Variants in ZNF37A observed in about 807,000 individuals in gnomAD.
ZNF37A encodes the protein zinc finger protein 37A.
Under a neutral mutation model 12.3 loss-of-function variants are expected in ZNF37A, and 10 were observed. That is an observed-to-expected ratio of 0.82 (90% CI 0.50 to 1.38). The LOEUF (loss-of-function observed/expected upper bound fraction) is 1.38, where lower values mean the gene tolerates loss of function less well. Ranked by LOEUF, ZNF37A falls within the 40% of genes most tolerant of loss-of-function variation. ZNF37A has a pLI of 0.00. For synonymous variants in ZNF37A, 207 were observed against 223.0 expected (o/e 0.93, Z 0.64); for missense variants, 580 against 651.2 (o/e 0.89, Z 1.19).
intron 5 of ZNF37A, among the ~76,000 whole-genome samples, chr10:38,113,720 A>C (rs2069017034): frequency 6.6e-6 from 1 of 151,940 alleles, no homozygotes; most frequent in Non-Finnish European, 1.5e-5. Context: ...TAGACAATCT[A>C]CCTCTAATGC....
Position 38,118,619 on chromosome 10 carries a change from A to G in ZNF37A, c.1468A>G (p.Ile490Val), listed in dbSNP as rs750017136. 6 of 1,605,656 alleles carry G rather than the reference A, an allele frequency of 3.7e-6. No individual in the cohort carries two copies. In the African/African-American group the frequency reaches 5.4e-5, roughly 14 times the overall value. Residue 490 changes from isoleucine to valine, a missense_variant, in exon 8 of 8, where the codon ATA becomes GTA. Ile to Val is a conservative substitution (Grantham distance 29). Coordinates refer to ENST00000685332, the MANE Select transcript of ZNF37A (RefSeq NM_001324250.3). Reference protein sequence around the residue: ...SALIVHQRTHIRQKPYGCNQC... With the variant: ...SALIVHQRTHVRQKPYGCNQC... ...CCTAATTGTTCACCAGAGAACTCATATAAGACAGAAACCCTATGGATGTAA... is the reference window on the plus strand; with the variant it reads ...CCTAATTGTTCACCAGAGAACTCATGTAAGACAGAAACCCTATGGATGTAA...
chr10:38,134,615 A>G (rs1388442852), intron 7 of ZNF37A, among the ~76,000 whole-genome samples: 1 of 152,312 alleles, frequency 6.6e-6, no homozygotes, highest in Middle Eastern at 3.4e-3. Flanking sequence ...AGCAAATATT[A>G]CAGAATGGCA....
At chr10:38,112,783 T>C (rs201052477) in intron 5 of ZNF37A, among the ~76,000 whole-genome samples, 2,841 of 57,824 alleles carry the variant, frequency 0.049, 356 homozygotes, top group African/African-American at 0.065. Flanking sequence ...TTCTTTTCTT[T>C]TCTTTTCTTT....
intron 5 of ZNF37A, among the ~76,000 whole-genome samples, chr10:38,105,961 G>C (rs1239774791): frequency 7.2e-6 from 1 of 139,082 alleles, no homozygotes; most frequent in Non-Finnish European, 1.6e-5. Context: ...CTTTCAATTT[G>C]AATGTCTTTT....
chr10:38,123,499 A>T lies in ZNF37A; in HGVS notation c.*4662A>T, dbSNP rs1343812593. 6.6e-6 allele frequency: 1 copy of T among 152,088 alleles called. No homozygotes were observed. The highest frequency in any genetic ancestry group is 1.5e-5 in the Non-Finnish European group (1 of 68,018). 9.4% of individuals were successfully genotyped at this position (152,088 alleles called of 1,614,324 possible). On this transcript the variant is annotated 3_prime_UTR_variant, in exon 8 of 8. Coordinates refer to ENST00000685332, the MANE Select transcript of ZNF37A (RefSeq NM_001324250.3). ...AATTAATGAGGGATCCTCTCCCTTG[A>T]TCAAAACACCTTCCACCAAGACCCA...
At chr10:38,125,055 T>C (rs1238577322), downstream of ZNF37A, 1 of 152,162 alleles carries the variant, frequency 6.6e-6, no homozygotes, top group Non-Finnish European at 1.5e-5. Context: ...AGCTCAAACT[T>C]AAAACTTGTA....
chr10:38,142,532 C>T (rs1369066875), intron 7 of ZNF37A: 1 of 152,180 alleles, frequency 6.6e-6, no homozygotes, highest in Non-Finnish European at 1.5e-5. Context: ...CAAGCTTGCT[C>T]AGGTACAACT....
intron 5 of ZNF37A, among the ~76,000 whole-genome samples, chr10:38,100,375 G>A (rs991032507): frequency 2.0e-5 from 3 of 152,096 alleles, no homozygotes; most frequent in Admixed American, 6.5e-5. Flanking sequence ...TTCCTAATAA[G>A]CCTGGGAGAA....
chr10:38,147,091 TG>T, exon 8 of ZNF37A: 1 of 214,020 alleles, frequency 4.7e-6, no homozygotes, highest in African/African-American at 2.3e-5. Flanking sequence ...TCATGCTATT[TG>T]TGGTTTGAGC....
At chr10:38,133,106 A>G (rs1158887970) in intron 7 of ZNF37A, among the ~76,000 whole-genome samples, 1 of 152,090 alleles carries the variant, frequency 6.6e-6, no homozygotes, top group African/African-American at 2.4e-5. Flanking sequence ...TACTATTTGC[A>G]TGTAATATAT....
Position 38,103,094 on chromosome 10 carries a change from A to AGGTCTTC in ZNF37A, c.15+6463_15+6469dup, listed in dbSNP as rs533573676. Among the ~76,000 whole-genome samples the AGGTCTTC allele has an allele frequency of 2.3e-3, 354 of 152,250 alleles. 2 individuals are homozygous for AGGTCTTC. Among genetic ancestry groups the AGGTCTTC allele is most frequent in the Middle Eastern group, 6.8e-3 (2 of 294 alleles). On this transcript the variant is annotated intron_variant, in intron 5 of 7. Transcript: ENST00000685332. ...GATTCATGTCTTTCATCAATTTGGA[A>AGGTCTTC]GGTCTTCAGACATTGTTTCTTCAGA... is the stretch of plus-strand genomic sequence containing the variant.
At chr10:38,111,471 TA>T (rs2068647241) in intron 5 of ZNF37A, among the ~76,000 whole-genome samples, 2 of 151,764 alleles carry the variant, frequency 1.3e-5, no homozygotes, top group Admixed American at 1.3e-4. Flanking sequence ...CCCCAGAACT[TA>T]AAGTATAATA....
In ZNF37A at chr10:38,114,848, A is replaced by T; in HGVS notation, c.109A>T (p.Met37Leu). ...TCAGAGGACCCTGTACAGGGATGTG[A>T]TGCTGGAGAACTACAGCCACCTTGT... ...PAQRTLYRDV[M>L]LENYSHLVSV... is the part of the protein sequence containing the mutation. The change falls in exon 6 of 8, where the codon ATG becomes TTG. Residue 37 changes from methionine to leucine, a missense_variant. Coordinates refer to ENST00000685332, the MANE Select transcript of ZNF37A (RefSeq NM_001324250.3). 2 of 1,613,506 alleles carry T rather than the reference A, an allele frequency of 1.2e-6. No individual in the cohort carries two copies. The highest frequency in any genetic ancestry group is 1.7e-6 in the Non-Finnish European group (2 of 1,179,864).
rs1201801703 is a variant in ZNF37A, at chr10:38,122,062, A to G, written c.*3225A>G. 2 of 152,170 alleles carry G rather than the reference A, an allele frequency of 1.3e-5. No individual in the cohort carries two copies. Among genetic ancestry groups the G allele is most frequent in the Non-Finnish European group, 2.9e-5 (2 of 68,130 alleles). The allele number at this position is 152,170 out of a possible 1,614,324, so 9.4% of individuals were successfully genotyped here. A position where few individuals can be genotyped will look rare whatever the true frequency, so the allele number is the denominator to read the frequency against. On this transcript the variant is annotated 3_prime_UTR_variant, in exon 8 of 8. Transcript: ENST00000685332. ...AGACCAGCCTGGGCAACATGGCACA[A>G]TTGTCTCTACAAAAAATACAAAAAT...
At chr10:38,097,928 A>G (rs1452451589) in intron 5 of ZNF37A, among the ~76,000 whole-genome samples, 1 of 152,228 alleles carries the variant, frequency 6.6e-6, no homozygotes, top group Non-Finnish European at 1.5e-5. Flanking sequence ...AAGGAAACAT[A>G]GTACCCTTAA....
intron 7 of ZNF37A, chr10:38,143,778 G>C (rs71491244): frequency 0.011 from 1,714 of 152,352 alleles, 17 homozygotes; most frequent in Middle Eastern, 0.031. Flanking sequence ...TGTCCGCAGA[G>C]TGTGGCCAGT....
intron 5 of ZNF37A, among the ~76,000 whole-genome samples, chr10:38,098,143 G>A (rs535057279): frequency 3.3e-4 from 50 of 152,274 alleles, no homozygotes; most frequent in African/African-American, 1.1e-3. Context: ...TTGTATATCA[G>A]TACTTTGTCC....
intron 7 of ZNF37A, chr10:38,138,645 G>C (rs2070142103): frequency 6.6e-6 from 1 of 152,160 alleles, no homozygotes; most frequent in Admixed American, 6.6e-5. Flanking sequence ...AACAAGGACT[G>C]TCAGTTCTTA....
At chr10:38,145,555 T>C (rs1590953851) in intron 7 of ZNF37A, among the ~76,000 whole-genome samples, 1 of 152,226 alleles carries the variant, frequency 6.6e-6, no homozygotes, top group African/African-American at 2.4e-5. Flanking sequence ...ACATTCTCAC[T>C]AGGGGTCTTT....
Sources: allele counts gnomAD v4.1 joint callset (sites outside exome capture counted in the v4.1 genomes callset), GRCh38; gene constraint gnomAD v4.1.1; transcripts MANE v1.5; gene names NCBI Gene and HGNC (gene_info 2026-07-23, HGNC 2026-07-21).